MTREX: variants seen among roughly 807,000 people sequenced by gnomAD.
MTREX encodes the protein Mtr4 exosome RNA helicase, also known as exosome RNA helicase MTR4.
A neutral mutation model predicts 135.4 loss-of-function variants in MTREX; 76 were observed. The observed-to-expected ratio is 0.56, with a 90% CI of 0.47 to 0.68. The LOEUF is 0.68. Among genes scored for constraint, MTREX ranks in the 30% least tolerant of loss-of-function variants. The pLI is 0.00. For synonymous variants in MTREX, 404 were observed against 401.6 expected (o/e 1.01, Z -0.07); for missense variants, 920 against 1,262.1 (o/e 0.73, Z 4.11).
intron 23 of MTREX, among the ~76,000 whole-genome samples, chr5:55,412,423 A>G (rs1295925486): frequency 1.3e-5 from 2 of 152,224 alleles, no homozygotes; most frequent in Admixed American, 1.3e-4. Flanking sequence ...CAATGTGGGC[A>G]GTGTACAGGT....
intron 18 of MTREX, among the ~76,000 whole-genome samples, chr5:55,385,821 T>C (rs1750469525): frequency 6.6e-6 from 1 of 152,144 alleles, no homozygotes; most frequent in African/African-American, 2.4e-5. Flanking sequence ...AAAAGACATA[T>C]TTTTAAAAAA....
In MTREX at chr5:55,422,864, C is replaced by A. The variant is rs1214124423; in HGVS notation, c.2972-14C>A. 1 of 1,601,976 alleles carries A rather than the reference C, an allele frequency of 6.2e-7. No individual in the cohort carries two copies. Among genetic ancestry groups the A allele is most frequent in the Non-Finnish European group, 8.5e-7 (1 of 1,173,970 alleles). On this transcript the variant is annotated splice_polypyrimidine_tract_variant and intron_variant, in intron 25 of 26. Transcript: ENST00000230640. ...ATTTCCATTTTACCAGTGTTTTGTTCCTTTTCTATCCAGGCAGCATAATTC... is the reference window on the plus strand; with the variant it reads ...ATTTCCATTTTACCAGTGTTTTGTTACTTTTCTATCCAGGCAGCATAATTC...
chr5:55,359,255 T>C (rs1749970586), intron 15 of MTREX, among the ~76,000 whole-genome samples: 1 of 152,238 alleles, frequency 6.6e-6, no homozygotes, highest in African/African-American at 2.4e-5. Flanking sequence ...GGATTTTGTT[T>C]TGAAGAGCTT....
intron 1 of MTREX, among the ~76,000 whole-genome samples, chr5:55,313,117 T>C (rs1749140997): frequency 6.6e-6 from 1 of 152,126 alleles, no homozygotes; most frequent in South Asian, 2.1e-4. Flanking sequence ...TTTTTATAAA[T>C]GTATCATTTC....
chr5:55,343,033 C>G (rs1424591354), intron 7 of MTREX, among the ~76,000 whole-genome samples: 1 of 152,174 alleles, frequency 6.6e-6, no homozygotes, highest in Non-Finnish European at 1.5e-5. Context: ...AGTAGAAATA[C>G]TGTTCCGCTG....
chr5:55,405,378 T>C, intron 21 of MTREX, 47 bp from the exon 22 acceptor site: 1 of 1,444,112 alleles, frequency 6.9e-7, no homozygotes, highest in Non-Finnish European at 9.6e-7. Context: ...TCCTTGTACA[T>C]TGTTCACTTT....
intron 18 of MTREX, among the ~76,000 whole-genome samples, chr5:55,384,017 C>T (rs1750439774): frequency 6.6e-6 from 1 of 152,202 alleles, no homozygotes; most frequent in Non-Finnish European, 1.5e-5. Flanking sequence ...GCAATCCTCC[C>T]GCCTTGGTCT....
intron 19 of MTREX, 141 bp from the exon 20 acceptor site, chr5:55,397,275 T>G (rs924273238): frequency 3.2e-5 from 14 of 441,170 alleles, no homozygotes; most frequent in Non-Finnish European, 4.5e-5. Context: ...GGGAGAATGC[T>G]TCACGGTGAT....
chr5:55,324,393 A>T (rs1171228596), intron 3 of MTREX, 195 bp downstream of exon 3: 2 of 232,926 alleles, frequency 8.6e-6, no homozygotes, highest in African/African-American at 5.9e-5. Flanking sequence ...ATTTTTCTTA[A>T]CTATAATCTT....
At chr5:55,367,264 A>T (rs185001136) in intron 16 of MTREX, among the ~76,000 whole-genome samples, 1 of 152,256 alleles carries the variant, frequency 6.6e-6, no homozygotes, top group African/African-American at 2.4e-5. Context: ...AGACGGGTGG[A>T]TCACGAGGTC....
chr5:55,343,103 G>C (rs1749677937), intron 7 of MTREX, among the ~76,000 whole-genome samples: 1 of 152,156 alleles, frequency 6.6e-6, no homozygotes, highest in Non-Finnish European at 1.5e-5. Flanking sequence ...ATTGCTCTTT[G>C]TAGGCTATTT....
intron 22 of MTREX, among the ~76,000 whole-genome samples, chr5:55,405,984 T>A (rs1750798925): frequency 6.6e-6 from 1 of 152,204 alleles, no homozygotes; most frequent in Non-Finnish European, 1.5e-5. Flanking sequence ...GTATACTTTT[T>A]AAAAATTATT....
At position 55,414,168 on chromosome 5, in the gene MTREX, CT is replaced by C; in HGVS notation, c.2752-10del. 1 of 1,531,482 alleles carries C rather than the reference CT, an allele frequency of 6.5e-7. No individual in the cohort carries two copies. The highest frequency in any genetic ancestry group is 2.4e-5 in the Admixed American group (1 of 41,652). 94.9% of individuals were successfully genotyped at this position (1,531,482 alleles called of 1,614,324 possible). On this transcript the variant is annotated splice_polypyrimidine_tract_variant and intron_variant, in intron 23 of 26. Coordinates refer to ENST00000230640, the MANE Select transcript of MTREX (RefSeq NM_015360.5). ...ACGTGGGTTTTTATATCTTGTTTTC[CT>C]TTTCTTTTATAGTCTAGTGAGATGC...
chr5:55,398,815 T>C (rs1750681790), intron 20 of MTREX, among the ~76,000 whole-genome samples: 1 of 152,198 alleles, frequency 6.6e-6, no homozygotes. Context: ...AGCTTTCACA[T>C]TAATTTCATG....
intron 15 of MTREX, among the ~76,000 whole-genome samples, chr5:55,361,978 G>A (rs755152287): frequency 7.3e-5 from 11 of 151,520 alleles, no homozygotes; most frequent in Non-Finnish European, 1.6e-4. Flanking sequence ...GTGCAGTGGT[G>A]CAGTCTCGGC....
intron 12 of MTREX, among the ~76,000 whole-genome samples, 195 bp from the exon 13 acceptor site, chr5:55,350,724 A>T (rs577107183): frequency 6.6e-6 from 1 of 152,230 alleles, no homozygotes; most frequent in African/African-American, 2.4e-5. Flanking sequence ...TGCCTTTCCT[A>T]TGAGCTTGGC....
chr5:55,347,126 A>C lies in MTREX; in HGVS notation c.1222A>C (p.Lys408Gln), dbSNP rs987035703. ...DCEAYALQMT[K>Q]LDFNTDEEKK... The stretch of plus-strand genomic sequence containing the variant: ...TGAAGCCTATGCACTTCAAATGACC[A>C]AATTAGATTTCAACACAGGTACTAC... Residue 408 changes from lysine (K) to glutamine (Q), a missense_variant, in exon 11 of 27, where the codon AAA (lysine) becomes CAA (glutamine). Lys to Gln is a moderately conservative substitution (Grantham distance 53). Coordinates refer to ENST00000230640, the MANE Select transcript of MTREX (RefSeq NM_015360.5). 6.2e-7 allele frequency: 1 copy of C among 1,603,486 alleles called. No individual in the cohort carries two copies. The highest frequency in any genetic ancestry group is 8.5e-7 in the Non-Finnish European group (1 of 1,175,804).
In MTREX at chr5:55,424,876, A is replaced by C. The variant is rs970582648; in HGVS notation, c.*104A>C. The C allele has an allele frequency of 2.7e-6, 2 of 750,578 alleles. No homozygotes were observed. Among genetic ancestry groups the C allele is most frequent in the South Asian group, 3.4e-5 (2 of 58,822 alleles). 46.5% of individuals were successfully genotyped at this position (750,578 alleles called of 1,614,324 possible). On this transcript the variant is annotated 3_prime_UTR_variant, in exon 27 of 27. Coordinates refer to ENST00000230640, the MANE Select transcript of MTREX (RefSeq NM_015360.5). ...GGATTTGGTTCTCCCATACATTTTA[A>C]TATGTATTATATTTAAATCAAACAT...
chr5:55,342,943 C>T (rs1749674326), intron 7 of MTREX, among the ~76,000 whole-genome samples: 1 of 152,096 alleles, frequency 6.6e-6, no homozygotes, highest in African/African-American at 2.4e-5. Flanking sequence ...GTGAACGATG[C>T]CGTCTGGAAT....
Sources: gnomAD v4.1 joint callset for allele counts (sites outside exome capture counted in the v4.1 genomes callset) on GRCh38, gnomAD v4.1.1 for gene constraint, MANE v1.5 for transcripts, NCBI Gene and HGNC (gene_info 2026-07-23, HGNC 2026-07-21) for gene names.